SLC30A7: variants seen among roughly 807,000 people sequenced by gnomAD.
SLC30A7 encodes the protein solute carrier family 30 member 7, also known as zinc transporter 7.
In SLC30A7, 35 loss-of-function variants were observed where a neutral mutation model predicts 46.0. The observed-to-expected ratio is 0.76, with a 90% CI of 0.58 to 1.01. The LOEUF (loss-of-function observed/expected upper bound fraction) is 1.01, where lower values mean the gene tolerates loss of function less well. Ranked by LOEUF, SLC30A7 falls within the 50% of genes least tolerant of loss-of-function variation. The probability of loss-of-function intolerance (pLI) is 0.00; values close to 1 mark genes in which losing one functional copy is unlikely to be tolerated. For missense variants in SLC30A7, 464 were observed against 451.1 expected (o/e 1.03, Z -0.26); for synonymous variants, 147 against 157.8 (o/e 0.93, Z 0.51).
intron 5 of SLC30A7, 129 bp downstream of exon 5, chr1:100,912,367 C>G: frequency 9.4e-7 from 1 of 1,064,052 alleles, no homozygotes; most frequent in South Asian, 1.6e-5. Context: ...TCTTCCTGAA[C>G]TATCCCTTTC....
chr1:100,904,555 G>A (rs544829072), intron 2 of SLC30A7, among the ~76,000 whole-genome samples: 1 of 151,050 alleles, frequency 6.6e-6, no homozygotes, highest in Non-Finnish European at 1.5e-5. Flanking sequence ...GGCTCTTTGT[G>A]TATTTTGAAA....
intron 3 of SLC30A7, among the ~76,000 whole-genome samples, chr1:100,908,001 A>C: frequency 6.9e-6 from 1 of 144,090 alleles, no homozygotes; most frequent in Non-Finnish European, 1.5e-5. Flanking sequence ...GTCAGGCTCA[A>C]TCTCTCCTCC....
At chr1:100,912,298 T>A in intron 5 of SLC30A7, 60 bp downstream of exon 5, 1 of 1,556,000 alleles carries the variant, frequency 6.4e-7, no homozygotes. Context: ...CATAATTATT[T>A]ACTTGAGAGA....
At chr1:100,992,728 G>C in the SLC30A7 span, 13 of 1,612,610 alleles carry the variant, frequency 8.1e-6, no homozygotes, top group East Asian at 2.7e-4. Flanking sequence ...GAGGTTCATA[G>C]ATCTTCCTTC....
chr1:100,927,877 C>A (rs1039525159), intron 8 of SLC30A7, among the ~76,000 whole-genome samples: 9 of 147,816 alleles, frequency 6.1e-5, no homozygotes, highest in African/African-American at 2.0e-4. Context: ...GCCTATCTTC[C>A]CTGTTTGGGA....
At chr1:100,901,516 G>A (rs1027677178) in intron 2 of SLC30A7, among the ~76,000 whole-genome samples, 1 of 151,976 alleles carries the variant, frequency 6.6e-6, no homozygotes, top group African/African-American at 2.4e-5. Context: ...ATGCAGTGGC[G>A]CGATCTTGGC....
At chr1:100,949,892 G>C (rs1450018908) in intron 8 of SLC30A7, among the ~76,000 whole-genome samples, 1 of 152,196 alleles carries the variant, frequency 6.6e-6, no homozygotes, top group Non-Finnish European at 1.5e-5. Flanking sequence ...AGGTGGGAGT[G>C]TCCCCTTTTC....
chr1:100,918,551 G>T (rs1429958777), intron 7 of SLC30A7, among the ~76,000 whole-genome samples: 1 of 152,116 alleles, frequency 6.6e-6, no homozygotes, highest in African/African-American at 2.4e-5. Context: ...TTGATTTACT[G>T]TGGGGTTGTG....
intron 8 of SLC30A7, among the ~76,000 whole-genome samples, chr1:100,935,083 A>G (rs1653873016): frequency 6.6e-6 from 1 of 152,228 alleles, no homozygotes; most frequent in Non-Finnish European, 1.5e-5. Context: ...TGTTTAATAT[A>G]TGCTAATCAA....
At chr1:100,930,521 A>G (rs935259379) in intron 8 of SLC30A7, among the ~76,000 whole-genome samples, 3 of 152,086 alleles carry the variant, frequency 2.0e-5, no homozygotes, top group Admixed American at 1.3e-4. Flanking sequence ...TGTTGATTTC[A>G]TATTTAAATA....
rs1382694419 is a variant in SLC30A7, at chr1:100,906,945, T to G, written c.276T>G (p.Asp92Glu). ...CTTCTGTTATTTCAAAATGGAGAGA[T>G]AATGATGCTTTCTCCTATGGGTAAG... ...LAASVISKWR[D>E]NDAFSYGYVR... The change falls in exon 3 of 11, where the codon GAT becomes GAG. Residue 92 changes from aspartate to glutamate, a missense_variant. Asp to Glu is a conservative substitution (Grantham distance 45). Coordinates refer to ENST00000357650, the MANE Select transcript of SLC30A7 (RefSeq NM_133496.5). 1 of 1,609,232 alleles carries G rather than the reference T, an allele frequency of 6.2e-7. No homozygotes were observed. The highest frequency in any genetic ancestry group is 1.3e-5 in the African/African-American group (1 of 74,808).
the SLC30A7 span, among the ~76,000 whole-genome samples, chr1:100,993,689 A>C: frequency 2.0e-5 from 3 of 149,438 alleles, no homozygotes; most frequent in African/African-American, 7.4e-5. Context: ...ATATAAATGA[A>C]GCCATATATA....
chr1:100,903,739 T>C (rs1312311512), intron 2 of SLC30A7, among the ~76,000 whole-genome samples: 3 of 152,162 alleles, frequency 2.0e-5, no homozygotes, highest in African/African-American at 7.2e-5. Context: ...CTTTTTCTTG[T>C]TGGTAAATGA....
intron 9 of SLC30A7, among the ~76,000 whole-genome samples, chr1:100,963,162 A>G (rs1380191653): frequency 6.6e-6 from 1 of 152,230 alleles, no homozygotes; most frequent in Non-Finnish European, 1.5e-5. Flanking sequence ...AGTCATCAAT[A>G]TATGAATAAC....
At chr1:100,904,724 T>G (rs1651537905) in intron 2 of SLC30A7, among the ~76,000 whole-genome samples, 2 of 152,208 alleles carry the variant, frequency 1.3e-5, no homozygotes, top group Non-Finnish European at 2.9e-5. Context: ...CCACAGAAGC[T>G]CTTTTCTTCA....
At chr1:100,985,202 A>G (rs1263902790), downstream of SLC30A7, among the ~76,000 whole-genome samples, 1 of 152,254 alleles carries the variant, frequency 6.6e-6, no homozygotes, top group Non-Finnish European at 1.5e-5. Context: ...AATGTCTAAC[A>G]TTTGTATTTA....
chr1:100,939,174 A>G (rs915069832), intron 8 of SLC30A7, among the ~76,000 whole-genome samples: 10 of 152,030 alleles, frequency 6.6e-5, no homozygotes, highest in African/African-American at 2.4e-4. Flanking sequence ...TTAACATAGT[A>G]TTAGTGATCA....
At chr1:100,970,315 C>A (rs1656085873) in intron 10 of SLC30A7, among the ~76,000 whole-genome samples, 1 of 151,982 alleles carries the variant, frequency 6.6e-6, no homozygotes, top group Non-Finnish European at 1.5e-5. Flanking sequence ...ACTGAGAAGA[C>A]CAATATCTAA....
intron 2 of SLC30A7, among the ~76,000 whole-genome samples, chr1:100,901,509 C>T (rs568826679): frequency 3.3e-5 from 5 of 152,270 alleles, no homozygotes; most frequent in African/African-American, 1.2e-4. Context: ...AGCTGGAATG[C>T]AGTGGCGCGA....
Sources: gnomAD v4.1 joint callset for allele counts (sites outside exome capture counted in the v4.1 genomes callset) on GRCh38, gnomAD v4.1.1 for gene constraint, MANE v1.5 for transcripts, NCBI Gene and HGNC (gene_info 2026-07-23, HGNC 2026-07-21) for gene names.